Variants in PANK1 observed in about 807,000 individuals in gnomAD.
PANK1 encodes the protein pantothenate kinase 1.
A neutral mutation model predicts 40.1 loss-of-function variants in PANK1; 18 were observed. The observed-to-expected ratio is 0.45, with a 90% confidence interval of 0.31 to 0.67. The LOEUF (loss-of-function observed/expected upper bound fraction) is 0.67, where lower values mean the gene tolerates loss of function less well. Ranked by LOEUF, PANK1 falls within the 30% of genes least tolerant of loss-of-function variation. PANK1 has a pLI of 0.06. For synonymous variants in PANK1, 242 were observed against 237.7 expected (o/e 1.02, Z -0.17); for missense variants, 457 against 599.6 (o/e 0.76, Z 2.48).
chr10:89,590,035 G>GAAAAAAAAAAAA (rs11389233), intron 5 of PANK1, among the ~76,000 whole-genome samples: 1 of 100,392 alleles, frequency 1.0e-5, no homozygotes, highest in Non-Finnish European at 2.2e-5. Flanking sequence ...TGTTAAAAAA[G>GAAAAAAAAAAAA]AAAAAAAAAA....
At chr10:89,601,295 G>A (rs959988023) in intron 2 of PANK1, among the ~76,000 whole-genome samples, 3 of 138,898 alleles carry the variant, frequency 2.2e-5, no homozygotes, top group African/African-American at 2.7e-5. Context: ...GGCAATATAC[G>A]GAGACCCATC....
intron 2 of PANK1, among the ~76,000 whole-genome samples, chr10:89,610,053 T>A (rs999090015): frequency 2.6e-5 from 4 of 152,108 alleles, no homozygotes. Context: ...CAGAATTGAG[T>A]CCAAGTCCCA....
chr10:89,585,626 T>C (rs1348399942), intron 6 of PANK1, among the ~76,000 whole-genome samples: 1 of 152,232 alleles, frequency 6.6e-6, no homozygotes, highest in South Asian at 2.1e-4. Context: ...AATTGCCCCA[T>C]TTTACAAATG....
Position 89,611,789 on chromosome 10 carries a change from AAT to A in PANK1, c.550_551del (p.Ile184SerfsTer10). The A allele has an allele frequency of 6.2e-7, 1 of 1,614,174 alleles. No homozygotes were observed. Among genetic ancestry groups the A allele is most frequent in the South Asian group, 1.1e-5 (1 of 91,078 alleles). ...RFPSCAMHRF[I>X]QMGSEKNFSS... ...AGAAGTTCTTCTCGCTGCCCATCTG[AAT>A]GAACCTGTGCATAGCACAGCTGGGA... On this transcript the variant is annotated frameshift_variant, in exon 2 of 7. Transcript: ENST00000307534. LOFTEE classifies it high-confidence loss of function.
At chr10:89,595,832 AAATATATATATATATATATATATAT>A (rs1433004044) in intron 3 of PANK1, among the ~76,000 whole-genome samples, 4 of 56,560 alleles carry the variant, frequency 7.1e-5, no homozygotes, top group Admixed American at 2.4e-4. Context: ...AAAAAAAAAA[AAATATATATATATATATATATATAT>A]ATATATATAT....
At position 89,644,720 on chromosome 10, in the gene PANK1, G is replaced by A. The variant is rs907037083; in HGVS notation, c.172C>T (p.Pro58Ser). The change falls in exon 1 of 7, where the codon CCC (proline) becomes TCC (serine). Residue 58 changes from proline to serine, a missense_variant. Pro to Ser is a moderately conservative substitution (Grantham distance 74). Transcript: ENST00000307534. ...RGPVGGSDAA[P>S]QRLPLLPELQ... ...TCCGGCAGGAGCGGGAGGCGCTGGG[G>A]CGCCGCGTCGCTGCCGCCCACTGGA... 2.1e-5 allele frequency: 32 copies of A among 1,532,150 alleles called. No homozygotes were observed. Among genetic ancestry groups the A allele is most frequent in the Middle Eastern group, 2.3e-4 (1 of 4,332 alleles). The allele number at this position is 1,532,150 out of a possible 1,614,324, so 94.9% of individuals were successfully genotyped here. A position where few individuals can be genotyped will look rare whatever the true frequency, so the allele number is the denominator to read the frequency against.
rs148804649 is a variant in PANK1, at chr10:89,634,260, A to G, written c.292+10340T>C. Among the ~76,000 whole-genome samples, 1,099 of 152,284 alleles carry G rather than the reference A, an allele frequency of 7.2e-3. 12 individuals are homozygous for G. The highest frequency in any genetic ancestry group is 0.027 in the Middle Eastern group (8 of 294). On this transcript the variant is annotated intron_variant, in intron 1 of 6. Transcript: ENST00000307534. ...CTATTGCTCTCTCTGGTCGCCCCTG[A>G]CCATCTACCTTGGGCTATAAAAGAG... is the stretch of plus-strand genomic sequence containing the variant.
intron 2 of PANK1, among the ~76,000 whole-genome samples, chr10:89,609,214 G>A (rs186312434): frequency 2.2e-4 from 33 of 152,200 alleles, no homozygotes; most frequent in African/African-American, 7.2e-4. Flanking sequence ...ACAGGCGTGC[G>A]CCACCTCACC....
At chr10:89,605,665 T>C (rs1233254901) in intron 2 of PANK1, among the ~76,000 whole-genome samples, 1 of 152,214 alleles carries the variant, frequency 6.6e-6, no homozygotes, top group African/African-American at 2.4e-5. Flanking sequence ...TCCATGAGGC[T>C]GAAATTCACT....
chr10:89,598,979 T>C (rs1844693665), intron 3 of PANK1, among the ~76,000 whole-genome samples: 1 of 152,184 alleles, frequency 6.6e-6, no homozygotes, highest in Admixed American at 6.5e-5. Context: ...ATTTGGCACT[T>C]AATGTATGCC....
intron 1 of PANK1, among the ~76,000 whole-genome samples, chr10:89,618,230 T>C (rs572568610): frequency 6.6e-6 from 1 of 152,340 alleles, no homozygotes; most frequent in East Asian, 1.9e-4. Flanking sequence ...CAGTGACTGC[T>C]GGGTATCTCC....
chr10:89,607,974 G>C (rs1845021288), intron 2 of PANK1, among the ~76,000 whole-genome samples: 1 of 150,972 alleles, frequency 6.6e-6, no homozygotes, highest in Non-Finnish European at 1.5e-5. Context: ...ATAACTCATT[G>C]ATTTTGAAGG....
In PANK1 at chr10:89,583,354, A is replaced by C. The variant is rs1844093776; in HGVS notation, c.*1052T>G. 1 of 152,184 alleles carries C rather than the reference A, an allele frequency of 6.6e-6. No individual in the cohort carries two copies. Among genetic ancestry groups the C allele is most frequent in the African/African-American group, 2.4e-5 (1 of 41,452 alleles). The allele number at this position is 152,184 out of a possible 1,614,324, so 9.4% of individuals were successfully genotyped here. On this transcript the variant is annotated 3_prime_UTR_variant, in exon 7 of 7. Coordinates refer to ENST00000307534, the MANE Select transcript of PANK1 (RefSeq NM_148977.3). Reference sequence around the variant, plus strand: ...AATATTAAAAATGAAAAAACCTTTAACATTATTAAAGATGTGTTGTTACAA... The same window carrying C: ...AATATTAAAAATGAAAAAACCTTTACCATTATTAAAGATGTGTTGTTACAA...
chr10:89,596,302 C>T (rs1254672073), intron 3 of PANK1, among the ~76,000 whole-genome samples: 1 of 152,112 alleles, frequency 6.6e-6, no homozygotes, highest in African/African-American at 2.4e-5. Context: ...GGATTTGTAT[C>T]AATCGAGGCA....
At chr10:89,585,984 A>C (rs934736148) in intron 6 of PANK1, among the ~76,000 whole-genome samples, 10 of 152,210 alleles carry the variant, frequency 6.6e-5, no homozygotes, top group African/African-American at 1.9e-4. Context: ...AGGGTAACAA[A>C]CCAAAGCCAG....
At chr10:89,607,545 A>G (rs1243783901) in intron 2 of PANK1, among the ~76,000 whole-genome samples, 1 of 152,248 alleles carries the variant, frequency 6.6e-6, no homozygotes, top group Non-Finnish European at 1.5e-5. Flanking sequence ...GACTTGCTCA[A>G]TGCAGGGTTA....
Position 89,644,984 on chromosome 10 carries a change from G to A in PANK1, c.-93C>T. The A allele has an allele frequency of 1.3e-6, 2 of 1,576,814 alleles. No individual in the cohort carries two copies. The highest frequency in any genetic ancestry group is 1.7e-6 in the Non-Finnish European group (2 of 1,164,628). On this transcript the variant is annotated 5_prime_UTR_variant, in exon 1 of 7. Transcript: ENST00000307534. ...GTCTTTATTTCCCCGGATCCTCCCT[G>A]CGGCTTCCGATTCAGCAGCCGCAGA...
chr10:89,583,126 TTC>T lies in PANK1; in HGVS notation c.*1278_*1279del, dbSNP rs1844085808. 6.6e-6 allele frequency: 1 copy of T among 152,162 alleles called. No homozygotes were observed. Among genetic ancestry groups the T allele is most frequent in the African/African-American group, 2.4e-5 (1 of 41,446 alleles). The allele number at this position is 152,162 out of a possible 1,614,324, so 9.4% of individuals were successfully genotyped here. ...AGGAAGATTCATCATGGAGTAATTGTTCTGTCCTTCAAAAATCCCTTTCAACA... is the reference window on the plus strand; with the variant it reads ...AGGAAGATTCATCATGGAGTAATTGTTGTCCTTCAAAAATCCCTTTCAACA... On this transcript the variant is annotated 3_prime_UTR_variant, in exon 7 of 7. Coordinates refer to ENST00000307534, the MANE Select transcript of PANK1 (RefSeq NM_148977.3).
intron 1 of PANK1, among the ~76,000 whole-genome samples, chr10:89,630,677 A>G (rs764922263): frequency 6.5e-4 from 99 of 152,178 alleles, no homozygotes; most frequent in Non-Finnish European, 9.1e-4. Context: ...TATTTTTAGT[A>G]GAGACTGAGT....
Sources: allele counts gnomAD v4.1 joint callset (sites outside exome capture counted in the v4.1 genomes callset), GRCh38; gene constraint gnomAD v4.1.1; transcripts MANE v1.5; gene names NCBI Gene and HGNC (gene_info 2026-07-23, HGNC 2026-07-21).